IL1RAPL2: variants seen among roughly 807,000 people sequenced by gnomAD.
IL1RAPL2 encodes X-linked interleukin-1 receptor accessory protein-like 2.
IL1RAPL2 carries 3 observed loss-of-function variants against 44.1 expected under a neutral mutation model. The ratio of observed to expected loss-of-function variants is 0.07; its 90% CI spans 0.03 to 0.18. IL1RAPL2 has a LOEUF of 0.18. IL1RAPL2 is among the 10% of genes least tolerant of loss of function. The pLI, the probability that IL1RAPL2 is intolerant of heterozygous loss-of-function variation, is 1.00. For synonymous variants in IL1RAPL2, 181 were observed against 178.8 expected (o/e 1.01, Z -0.10); for missense variants, 391 against 496.4 (o/e 0.79, Z 2.02).
In IL1RAPL2 at chrX:104,839,183, G is replaced by T. The variant is rs183229546; in HGVS notation, c.82+180188G>T. Among the ~76,000 whole-genome samples the T allele has an allele frequency of 8.7e-3, 956 of 110,290 alleles. 10 individuals are homozygous for T. The highest frequency in any genetic ancestry group is 0.048 in the South Asian group (124 of 2,585). ...CTGAAAGGGAATGCTACTAGATTTT[G>T]TTCATTCAGTATGATATTGGCTATG... On this transcript the variant is annotated intron_variant, in intron 2 of 10. Transcript: ENST00000372582.
intron 6 of IL1RAPL2, among the ~76,000 whole-genome samples, chrX:105,534,661 A>G (rs759586864): frequency 8.0e-5 from 9 of 112,365 alleles, no homozygotes; most frequent in African/African-American, 2.9e-4. Context: ...GGATACATAG[A>G]TCAATTAACG....
intron 6 of IL1RAPL2, among the ~76,000 whole-genome samples, chrX:105,610,600 GT>G (rs2037328724): frequency 9.0e-6 from 1 of 111,686 alleles, no homozygotes; most frequent in South Asian, 3.7e-4. Flanking sequence ...ATGTACAACA[GT>G]TGTTCCATAA....
intron 2 of IL1RAPL2, among the ~76,000 whole-genome samples, chrX:105,189,242 G>A (rs2033614820): frequency 1.8e-5 from 2 of 112,269 alleles, no homozygotes; most frequent in South Asian, 7.4e-4. Flanking sequence ...TTTTGAGACA[G>A]AGTCTTGCTC....
chrX:105,512,021 C>G (rs1388946732), intron 6 of IL1RAPL2, among the ~76,000 whole-genome samples: 1 of 110,709 alleles, frequency 9.0e-6, no homozygotes, highest in Non-Finnish European at 1.9e-5. Flanking sequence ...GAATACTTAA[C>G]GACTCGAATT....
chrX:105,080,556 C>G (rs1201220277), intron 2 of IL1RAPL2, among the ~76,000 whole-genome samples: 1 of 106,584 alleles, frequency 9.4e-6, no homozygotes, highest in Admixed American at 9.6e-5. Flanking sequence ...TCTGAGGCCT[C>G]TGTTCTGTTC....
At chrX:105,717,049 G>A (rs1332001389) in intron 6 of IL1RAPL2, among the ~76,000 whole-genome samples, 1 of 111,809 alleles carries the variant, frequency 8.9e-6, no homozygotes. Context: ...GAGCCAGGGA[G>A]GTTAAGGCTG....
chrX:105,544,811 C>T (rs930570360), intron 6 of IL1RAPL2, among the ~76,000 whole-genome samples: 3 of 111,005 alleles, frequency 2.7e-5, no homozygotes, highest in South Asian at 3.8e-4. Flanking sequence ...CCCTTCACTG[C>T]ATTCTTTTCA....
In IL1RAPL2 at chrX:104,786,919, T is replaced by TTCTC. The variant is rs58609782; in HGVS notation, c.82+127985_82+127988dup. Among the ~76,000 whole-genome samples, 152 of 36,651 alleles carry TTCTC rather than the reference T, an allele frequency of 4.1e-3. 1 individual carries two copies. Among genetic ancestry groups the TTCTC allele is most frequent in the South Asian group, 0.012 (5 of 424 alleles). 31.8% of individuals were successfully genotyped at this position (36,651 alleles called of 115,157 possible). A position where few individuals can be genotyped will look rare whatever the true frequency, so the allele number is the denominator to read the frequency against. ...TCTCTCATTCTCATTCTCATTCATA[T>TTCTC]TCTCTCTCTCTCTCTCTCTCTCTCT... is the stretch of plus-strand genomic sequence containing the variant. On this transcript the variant is annotated intron_variant, in intron 2 of 10. Coordinates refer to ENST00000372582, the MANE Select transcript of IL1RAPL2 (RefSeq NM_017416.2).
chrX:105,276,193 G>A (rs943311468), intron 5 of IL1RAPL2, among the ~76,000 whole-genome samples: 3 of 112,092 alleles, frequency 2.7e-5, no homozygotes, highest in South Asian at 3.7e-4. Context: ...ATCACCTGAG[G>A]TTGGGAGTTT....
intron 2 of IL1RAPL2, among the ~76,000 whole-genome samples, chrX:104,850,953 A>C (rs1297574440): frequency 1.8e-5 from 2 of 111,406 alleles, no homozygotes; most frequent in Non-Finnish European, 3.8e-5. Context: ...ATAGACTATA[A>C]ATTTTGAATG....
At chrX:104,872,122 C>T (rs1251547841) in intron 2 of IL1RAPL2, among the ~76,000 whole-genome samples, 3 of 111,825 alleles carry the variant, frequency 2.7e-5, no homozygotes, top group Non-Finnish European at 5.6e-5. Flanking sequence ...TTTTAACATG[C>T]ATAGCCAAGC....
chrX:104,929,059 G>A (rs899428478), intron 2 of IL1RAPL2, among the ~76,000 whole-genome samples: 7 of 111,464 alleles, frequency 6.3e-5, no homozygotes, highest in African/African-American at 2.3e-4. Context: ...AGTATATCAT[G>A]TTCCCAAGTT....
intron 5 of IL1RAPL2, among the ~76,000 whole-genome samples, chrX:105,433,438 G>A (rs1218133907): frequency 9.0e-6 from 1 of 111,211 alleles, no homozygotes. Flanking sequence ...CCATAGCTAT[G>A]TCCTCTAATA....
At chrX:105,099,487 T>C (rs1485781634) in intron 2 of IL1RAPL2, among the ~76,000 whole-genome samples, 1 of 75,129 alleles carries the variant, frequency 1.3e-5, no homozygotes, top group African/African-American at 5.1e-5. Flanking sequence ...TTTTTTGAGA[T>C]GGAGTCTCGC....
intron 5 of IL1RAPL2, among the ~76,000 whole-genome samples, chrX:105,336,803 C>T (rs1339800285): frequency 8.9e-6 from 1 of 112,081 alleles, no homozygotes; most frequent in Non-Finnish European, 1.9e-5. Context: ...TCGCCAACTC[C>T]ACCTTCAAAC....
Position 104,847,154 on chromosome X carries a change from T to C in IL1RAPL2, c.82+188159T>C, listed in dbSNP as rs1008754922. 5.4e-5 allele frequency among the ~76,000 whole-genome samples: 6 copies of C among 112,125 alleles called. No homozygotes were observed. The Admixed American group carries it at 5.7e-4, about 11-fold the overall frequency. Reference sequence around the variant, plus strand: ...CCCATTCTGTAGGTTGCCTGTTCACTCTGATGATAGTTCCTTTTGCTTTGC... The same window carrying C: ...CCCATTCTGTAGGTTGCCTGTTCACCCTGATGATAGTTCCTTTTGCTTTGC... On this transcript the variant is annotated intron_variant, in intron 2 of 10. Transcript: ENST00000372582.
rs1381358182 is a variant in IL1RAPL2, at chrX:105,078,763, T to A, written c.83-116712T>A. Reference sequence around the variant, plus strand: ...CCCCTCCCCCAGCCTCGCTGCCACCTTGCAGTTTGATCTCAGACTGCTGTG... The same window carrying A: ...CCCCTCCCCCAGCCTCGCTGCCACCATGCAGTTTGATCTCAGACTGCTGTG... On this transcript the variant is annotated intron_variant, in intron 2 of 10. Coordinates refer to ENST00000372582, the MANE Select transcript of IL1RAPL2 (RefSeq NM_017416.2). Among the ~76,000 whole-genome samples, 5 of 112,304 alleles carry A rather than the reference T, an allele frequency of 4.5e-5. No individual in the cohort carries two copies. The East Asian group carries it at 1.4e-3, about 32-fold the overall frequency.
intron 2 of IL1RAPL2, among the ~76,000 whole-genome samples, chrX:104,866,437 G>A (rs906697462): frequency 4.5e-5 from 5 of 111,910 alleles, no homozygotes; most frequent in African/African-American, 1.3e-4. Context: ...TTTGAGATTG[G>A]CAAACTCTGG....
intron 6 of IL1RAPL2, among the ~76,000 whole-genome samples, chrX:105,633,602 C>T (rs781404351): frequency 3.6e-5 from 4 of 111,557 alleles, no homozygotes; most frequent in African/African-American, 1.3e-4. Flanking sequence ...TTGACCTATG[C>T]GATGTGGACT....
Sources: gnomAD v4.1 joint callset for allele counts (sites outside exome capture counted in the v4.1 genomes callset) on GRCh38, gnomAD v4.1.1 for gene constraint, MANE v1.5 for transcripts, NCBI Gene and HGNC (gene_info 2026-07-23, HGNC 2026-07-21) for gene names.